Variants in RNF170 observed in about 807,000 individuals in gnomAD.
The protein encoded by RNF170 is E3 ubiquitin-protein ligase RNF170.
A neutral mutation model predicts 32.7 loss-of-function variants in RNF170; 12 were observed. The observed-to-expected ratio is 0.37, with a 90% CI of 0.24 to 0.60. RNF170 has a LOEUF of 0.60. Ranked by LOEUF, RNF170 falls within the 20% of genes least tolerant of loss-of-function variation. The pLI is 0.72. For missense variants in RNF170, 212 were observed against 311.2 expected, an observed-to-expected ratio of 0.68 and a Z score of 2.40; for synonymous variants, 91 against 103.6, an observed-to-expected ratio of 0.88 and a Z score of 0.74.
chr8:42,863,973 G>C (rs1010904116), intron 5 of RNF170, among the ~76,000 whole-genome samples: 1 of 112,074 alleles, frequency 8.9e-6, no homozygotes, highest in African/African-American at 3.6e-5. Flanking sequence ...AGGAGAGAGA[G>C]AGAGAGAGTG....
chr8:42,863,980 A>AGTGGGT (rs1554603755), intron 5 of RNF170, among the ~76,000 whole-genome samples: 13 of 139,512 alleles, frequency 9.3e-5, no homozygotes, highest in African/African-American at 3.0e-4. Context: ...AGAGAGAGAG[A>AGTGGGT]GTGTGTGTGT....
chr8:42,855,156 G>A lies in RNF170; in HGVS notation c.*1003C>T, dbSNP rs531456389. The stretch of plus-strand genomic sequence containing the variant: ...TACAAATTACTTTTATATCTACTAC[G>A]AAAGGATGAGCTCTTGTTTAAATGT... On this transcript the variant is annotated 3_prime_UTR_variant, in exon 7 of 7. Transcript: ENST00000527424. 76 of 1,286,688 alleles carry A rather than the reference G, an allele frequency of 5.9e-5. No homozygotes were observed. In the African/African-American group the frequency reaches 7.9e-4, roughly 13 times the overall value. 79.7% of individuals were successfully genotyped at this position (1,286,688 alleles called of 1,614,324 possible). A position where few individuals can be genotyped will look rare whatever the true frequency, so the allele number is the denominator to read the frequency against.
At chr8:42,887,108 C>A (rs1011755242) in intron 2 of RNF170, among the ~76,000 whole-genome samples, 1 of 152,116 alleles carries the variant, frequency 6.6e-6, no homozygotes, top group Non-Finnish European at 1.5e-5. Context: ...GCCTGATCAA[C>A]ATGGAGAAAC....
chr8:42,883,435 G>A (rs1805569564), intron 2 of RNF170, among the ~76,000 whole-genome samples: 1 of 152,098 alleles, frequency 6.6e-6, no homozygotes, highest in Admixed American at 6.6e-5. Context: ...CAGGCATGGT[G>A]GCGCGTGCCT....
Position 42,861,816 on chromosome 8 carries a change from A to G in RNF170, c.436T>C (p.Ser146Pro). Reference sequence around the variant, plus strand: ...TGATGCAATCTCAGAACATCCTGAGACTGATCATCTTCACCAAATACTGTT... The same window carrying G: ...TGATGCAATCTCAGAACATCCTGAGGCTGATCATCTTCACCAAATACTGTT... Reference protein sequence around the residue: ...LLTVFGEDDQSQDVLRLHQDI... With the variant: ...LLTVFGEDDQPQDVLRLHQDI... The change falls in exon 6 of 7, where the codon TCT becomes CCT. Residue 146 changes from serine to proline, a missense_variant. Around this residue, in one of 2 missense-constraint regions of RNF170, gnomAD observed 97 missense variants for 178.9 expected, o/e 0.54. Coordinates refer to ENST00000527424, the MANE Select transcript of RNF170 (RefSeq NM_030954.4). The G allele has an allele frequency of 6.2e-7, 1 of 1,613,932 alleles. No homozygotes were observed. The highest frequency in any genetic ancestry group is 8.5e-7 in the Non-Finnish European group (1 of 1,179,948).
chr8:42,851,604 A>G (rs991418261), downstream of RNF170, among the ~76,000 whole-genome samples: 1 of 151,664 alleles, frequency 6.6e-6, no homozygotes, highest in Non-Finnish European at 1.5e-5. Context: ...AGAACAAGAG[A>G]AGGATTCAGA....
At chr8:42,857,995 AT>A (rs887860394) in intron 6 of RNF170, among the ~76,000 whole-genome samples, 2 of 152,260 alleles carry the variant, frequency 1.3e-5, no homozygotes, top group African/African-American at 2.4e-5. Flanking sequence ...AGATCGCGCC[AT>A]TGCATTCTGG....
At chr8:42,879,341 T>A (rs1210055027) in intron 2 of RNF170, among the ~76,000 whole-genome samples, 1 of 152,108 alleles carries the variant, frequency 6.6e-6, no homozygotes, top group Non-Finnish European at 1.5e-5. Context: ...GATCCCCCAT[T>A]CTAGATGCCA....
At chr8:42,851,181 A>G (rs1260799457), downstream of RNF170, among the ~76,000 whole-genome samples, 1 of 152,080 alleles carries the variant, frequency 6.6e-6, no homozygotes, top group East Asian at 1.9e-4. Context: ...CTCTCCTTGG[A>G]CTGCGGTGGT....
chr8:42,894,269 T>C (rs913426424), intron 1 of RNF170, among the ~76,000 whole-genome samples: 1 of 152,140 alleles, frequency 6.6e-6, no homozygotes, highest in African/African-American at 2.4e-5. Context: ...GTCCATTGTG[T>C]CAAAGCCTTG....
intron 2 of RNF170, 80 bp downstream of exon 2, chr8:42,887,648 T>C: frequency 8.0e-7 from 1 of 1,246,736 alleles, no homozygotes; most frequent in Non-Finnish European, 1.2e-6. Flanking sequence ...GCTGTTCATA[T>C]TAAGTATTAT....
Position 42,855,499 on chromosome 8 carries a change from C to A in RNF170, c.*660G>T. On this transcript the variant is annotated 3_prime_UTR_variant, in exon 7 of 7. Coordinates refer to ENST00000527424, the MANE Select transcript of RNF170 (RefSeq NM_030954.4). ...GTGCTAGGATTACAGGCGTGAGCCA[C>A]CCCGCCCGGCCATGTTTTTCATCTT... 2 of 1,266,952 alleles carry A rather than the reference C, an allele frequency of 1.6e-6. No homozygotes were observed. Among genetic ancestry groups the A allele is most frequent in the South Asian group, 1.2e-5 (1 of 80,448 alleles). The allele number at this position is 1,266,952 out of a possible 1,614,324, so 78.5% of individuals were successfully genotyped here. A position where few individuals can be genotyped will look rare whatever the true frequency, so the allele number is the denominator to read the frequency against.
At chr8:42,887,033 C>T (rs1805882700) in intron 2 of RNF170, among the ~76,000 whole-genome samples, 1 of 151,836 alleles carries the variant, frequency 6.6e-6, no homozygotes, top group African/African-American at 2.4e-5. Flanking sequence ...TGGCTCAAGC[C>T]TGTAATCCCA....
In RNF170 at chr8:42,855,065, C is replaced by T; in HGVS notation, c.*1094G>A. On this transcript the variant is annotated 3_prime_UTR_variant, in exon 7 of 7. Coordinates refer to ENST00000527424, the MANE Select transcript of RNF170 (RefSeq NM_030954.4). ...CTCAAAGACACGAAGATTCACCTTCCTCAGAAATGCATCAGGCTACTCTGT... is the reference window on the plus strand; with the variant it reads ...CTCAAAGACACGAAGATTCACCTTCTTCAGAAATGCATCAGGCTACTCTGT... 7.8e-7 allele frequency: 1 copy of T among 1,287,184 alleles called. No individual in the cohort carries two copies. The allele number at this position is 1,287,184 out of a possible 1,614,324, so 79.7% of individuals were successfully genotyped here. A position where few individuals can be genotyped will look rare whatever the true frequency, so the allele number is the denominator to read the frequency against.
chr8:42,890,257 ATTCT>A (rs1563276336), intron 1 of RNF170, among the ~76,000 whole-genome samples: 1 of 149,056 alleles, frequency 6.7e-6, no homozygotes, highest in Non-Finnish European at 1.5e-5. Context: ...ATGTGATTAT[ATTCT>A]TTTTTTTTTT....
intron 3 of RNF170, among the ~76,000 whole-genome samples, chr8:42,873,107 C>T (rs1161122699): frequency 6.6e-6 from 1 of 151,972 alleles, no homozygotes; most frequent in African/African-American, 2.4e-5. Flanking sequence ...GTTGCCCAAA[C>T]TGGTCTCGAA....
At position 42,856,036 on chromosome 8, in the gene RNF170, T is replaced by C. The variant is rs1259491588; in HGVS notation, c.*123A>G. ...AAATGATAATCAAATGTTTGTCTTA[T>C]AGTGGTTTTATATTTGTGAGATAAT... On this transcript the variant is annotated 3_prime_UTR_variant, in exon 7 of 7. Coordinates refer to ENST00000527424, the MANE Select transcript of RNF170 (RefSeq NM_030954.4). The C allele has an allele frequency of 1.9e-6, 3 of 1,574,572 alleles. No individual in the cohort carries two copies. Among genetic ancestry groups the C allele is most frequent in the East Asian group, 2.3e-5 (1 of 44,234 alleles).
At chr8:42,884,168 C>T (rs2128948998) in intron 2 of RNF170, among the ~76,000 whole-genome samples, 1 of 152,092 alleles carries the variant, frequency 6.6e-6, no homozygotes, top group Non-Finnish European at 1.5e-5. Context: ...GCAACCTCTG[C>T]CTCCCAGGTT....
rs550997537 is a variant in RNF170 at position 42,855,164 on chromosome 8, G to T, written c.*995C>A. On this transcript the variant is annotated 3_prime_UTR_variant, in exon 7 of 7. Coordinates refer to ENST00000527424, the MANE Select transcript of RNF170 (RefSeq NM_030954.4). ...ACTTTTATATCTACTACGAAAGGAT[G>T]AGCTCTTGTTTAAATGTCTAACTGT... 47 of 1,286,448 alleles carry T rather than the reference G, an allele frequency of 3.7e-5. No individual in the cohort carries two copies. In the African/African-American group the frequency reaches 7.0e-4, roughly 19 times the overall value. The allele number at this position is 1,286,448 out of a possible 1,614,324, so 79.7% of individuals were successfully genotyped here. A position where few individuals can be genotyped will look rare whatever the true frequency, so the allele number is the denominator to read the frequency against.
Sources: allele counts gnomAD v4.1 joint callset (sites outside exome capture counted in the v4.1 genomes callset), GRCh38; gene constraint gnomAD v4.1.1; regional missense constraint gnomAD v4.1.1; transcripts MANE v1.5; gene names NCBI Gene and HGNC (gene_info 2026-07-23, HGNC 2026-07-21).